The following CCR5AS variants were observed in gnomAD, a reference collection of about 807,000 sequenced individuals.
CCR5AS encodes CCR5 antisense RNA.
chr3:46,384,284 C>A lies in CCR5AS; in HGVS notation n.391+8541G>T, dbSNP rs147032746. Reference sequence around the variant, plus strand: ...CATCCCATCCTAATCTTTTATTACGCAGACGGGGTCTATACCTGGCTGGTG... The same window carrying A: ...CATCCCATCCTAATCTTTTATTACGAAGACGGGGTCTATACCTGGCTGGTG... On this transcript the variant is annotated intron_variant and non_coding_transcript_variant, in intron 2 of 3. Transcript: ENST00000451485. 6.5e-3 allele frequency among the ~76,000 whole-genome samples: 996 copies of A among 152,348 alleles called. 13 individuals carry two copies. The highest frequency in any genetic ancestry group is 0.023 in the African/African-American group (952 of 41,574).
In CCR5AS at chr3:46,380,257, G is replaced by A. The variant is rs549700644; in HGVS notation, n.392-8840C>T. Among the ~76,000 whole-genome samples, 15 of 152,256 alleles carry A rather than the reference G, an allele frequency of 9.9e-5. No individual in the cohort carries two copies. The South Asian group carries it at 2.1e-3, about 21-fold the overall frequency. On this transcript the variant is annotated intron_variant and non_coding_transcript_variant, in intron 2 of 3. Transcript: ENST00000451485. The stretch of plus-strand genomic sequence containing the variant: ...ACTCTCTAGAAAGTTCTGTCTTGGA[G>A]CATATAGTTAGATGAACTTGCCCTG...
At chr3:46,387,062 AAGAGAAG>A (rs1460067141) in intron 2 of CCR5AS, among the ~76,000 whole-genome samples, 2 of 152,198 alleles carry the variant, frequency 1.3e-5, no homozygotes, top group Non-Finnish European at 2.9e-5. Flanking sequence ...AAGAGAAAAG[AAGAGAAG>A]AGAGAAGAGA....
chr3:46,385,623 T>TATTC (rs1407193707), intron 2 of CCR5AS, among the ~76,000 whole-genome samples: 2 of 152,234 alleles, frequency 1.3e-5, no homozygotes, highest in African/African-American at 4.8e-5. Context: ...ACTTCATGAA[T>TATTC]ATTCCATCCT....
chr3:46,372,439 G>A (rs982363130), intron 2 of CCR5AS, among the ~76,000 whole-genome samples: 1 of 152,054 alleles, frequency 6.6e-6, no homozygotes, highest in Non-Finnish European at 1.5e-5. Flanking sequence ...GAGGTGAGAG[G>A]ATTGCTTGAG....
rs544993019 is a variant in CCR5AS at position 46,364,449 on chromosome 3, G to GA, written n.1161dup. On this transcript the variant is annotated non_coding_transcript_exon_variant, in exon 4 of 4. Coordinates refer to ENST00000451485, the Ensembl canonical transcript of CCR5AS. ...GCCCACTATTGAGAACTATTGCTCA[G>GA]AAAAAAAGATTCCTTTCAAAATATT... is the stretch of plus-strand genomic sequence containing the variant. Among the ~76,000 whole-genome samples the GA allele has an allele frequency of 2.1e-3, 316 of 152,216 alleles. 1 individual carries two copies. Among genetic ancestry groups the GA allele is most frequent in the African/African-American group, 7.0e-3 (291 of 41,540 alleles).
At chr3:46,381,931 T>C (rs1305629922) in intron 2 of CCR5AS, among the ~76,000 whole-genome samples, 2 of 152,222 alleles carry the variant, frequency 1.3e-5, no homozygotes, top group South Asian at 2.1e-4. Context: ...GTGTTACTGA[T>C]ACAGGAGCTA....
chr3:46,372,848 A>C, intron 2 of CCR5AS: 1 of 1,396,074 alleles, frequency 7.2e-7, no homozygotes. Context: ...GCAACTAAAT[A>C]CATTCTAGGA....
intron 3 of CCR5AS, among the ~76,000 whole-genome samples, chr3:46,365,544 G>C (rs1206974038): frequency 6.6e-6 from 1 of 152,136 alleles, no homozygotes; most frequent in Admixed American, 6.5e-5. Flanking sequence ...TTACTGTGGT[G>C]GTCTGAAGCT....
At chr3:46,386,057 G>A (rs991179461) in intron 2 of CCR5AS, among the ~76,000 whole-genome samples, 14 of 151,898 alleles carry the variant, frequency 9.2e-5, no homozygotes, top group African/African-American at 3.4e-4. Context: ...GAGGACAGAC[G>A]TGCACCACCA....
At position 46,387,966 on chromosome 3, in the gene CCR5AS, G is replaced by A. The variant is rs149766502; in HGVS notation, n.391+4859C>T. On this transcript the variant is annotated intron_variant and non_coding_transcript_variant, in intron 2 of 3. Coordinates refer to ENST00000451485, the Ensembl canonical transcript of CCR5AS. The stretch of plus-strand genomic sequence containing the variant: ...TCACAAGGTCAACTGATCAGTTAGG[G>A]TGGGGCAGGAACAAATTACAATGGT... Among the ~76,000 whole-genome samples, 130 of 152,254 alleles carry A rather than the reference G, an allele frequency of 8.5e-4. 1 individual carries two copies. Among genetic ancestry groups the A allele is most frequent in the African/African-American group, 3.1e-3 (128 of 41,542 alleles).
At chr3:46,364,627 G>T (rs1575276065) in exon 4 of CCR5AS, among the ~76,000 whole-genome samples, 2 of 129,438 alleles carry the variant, frequency 1.5e-5, no homozygotes, top group African/African-American at 2.7e-5. Context: ...AGGCTATTAA[G>T]AAATAGCTAT....
intron 2 of CCR5AS, among the ~76,000 whole-genome samples, chr3:46,382,609 G>A (rs1559571841): frequency 1.3e-5 from 2 of 152,078 alleles, no homozygotes; most frequent in African/African-American, 4.8e-5. Context: ...TCTAGACCAG[G>A]GAGATCCAAT....
intron 2 of CCR5AS, among the ~76,000 whole-genome samples, chr3:46,377,656 A>G (rs548984816): frequency 1.3e-5 from 2 of 152,278 alleles, no homozygotes; most frequent in Middle Eastern, 6.8e-3. Context: ...ATTACCACCA[A>G]CTACCCTGGG....
At chr3:46,381,728 T>C (rs1253802692) in intron 2 of CCR5AS, among the ~76,000 whole-genome samples, 1 of 152,222 alleles carries the variant, frequency 6.6e-6, no homozygotes, top group African/African-American at 2.4e-5. Context: ...TCCTGACATA[T>C]AATCAAATAA....
chr3:46,392,473 G>T (rs951426963), intron 2 of CCR5AS, among the ~76,000 whole-genome samples: 15 of 152,294 alleles, frequency 9.8e-5, no homozygotes, highest in Middle Eastern at 6.8e-3. Flanking sequence ...CATGGAGAAG[G>T]GGGGAGGTGA....
intron 2 of CCR5AS, among the ~76,000 whole-genome samples, chr3:46,380,453 C>T (rs1701805751): frequency 1.3e-5 from 2 of 152,206 alleles, no homozygotes; most frequent in South Asian, 2.1e-4. Flanking sequence ...ATTATCACCT[C>T]GTTTACATCA....
chr3:46,391,208 G>A (rs1486008315), intron 2 of CCR5AS, among the ~76,000 whole-genome samples: 1 of 152,204 alleles, frequency 6.6e-6, no homozygotes, highest in Non-Finnish European at 1.5e-5. Flanking sequence ...GAAGATCCTG[G>A]GGGAGGAGGT....
At chr3:46,373,307 T>C (rs757294302) in intron 2 of CCR5AS, 2 of 1,614,212 alleles carry the variant, frequency 1.2e-6, no homozygotes, top group Non-Finnish European at 1.7e-6. Flanking sequence ...ATGCTGTGTT[T>C]GCTTTAAAAG....
rs375916464 is a variant in CCR5AS, at chr3:46,373,933, G to A, written n.392-2516C>T. 23 of 1,579,884 alleles carry A rather than the reference G, an allele frequency of 1.5e-5. No homozygotes were observed. The highest frequency in any genetic ancestry group is 1.5e-5 in the Non-Finnish European group (17 of 1,159,420). On this transcript the variant is annotated intron_variant and non_coding_transcript_variant, in intron 2 of 3. Coordinates refer to ENST00000451485, the Ensembl canonical transcript of CCR5AS. ...AGCTCAGTTTACACCCGATCCACTG[G>A]GGAGCAGGAAATATCTGTGGGCTTG...
Sources: allele counts gnomAD v4.1 joint callset (sites outside exome capture counted in the v4.1 genomes callset), GRCh38; gene constraint gnomAD v4.1.1; transcripts MANE v1.5; gene names NCBI Gene and HGNC (gene_info 2026-07-23, HGNC 2026-07-21).